The following SNX7 variants were observed in gnomAD, a reference collection of about 807,000 sequenced individuals.
SNX7 encodes the protein sorting nexin-7.
A neutral mutation model predicts 48.4 loss-of-function variants in SNX7; 35 were observed. The observed-to-expected ratio is 0.72, with a 90% confidence interval of 0.55 to 0.96. The LOEUF is 0.96. Among genes scored for constraint, SNX7 ranks in the 40% least tolerant of loss-of-function variants. SNX7 has a pLI of 0.00. For missense variants in SNX7, 553 were observed against 548.9 expected, an observed-to-expected ratio of 1.01 and a Z score of -0.07; for synonymous variants, 190 against 190.2, an observed-to-expected ratio of 1.00 and a Z score of 0.01.
At chr1:98,682,355 C>T (rs955852696) in intron 1 of SNX7, among the ~76,000 whole-genome samples, 1 of 152,120 alleles carries the variant, frequency 6.6e-6, no homozygotes, top group East Asian at 1.9e-4. Context: ...AGGGAATTCC[C>T]TTTACTTTGA....
At chr1:98,677,563 G>T in intron 1 of SNX7, among the ~76,000 whole-genome samples, 1 of 152,172 alleles carries the variant, frequency 6.6e-6, no homozygotes, top group East Asian at 1.9e-4. Flanking sequence ...GGCTAGACAA[G>T]CCATGACATG....
chr1:98,742,782 T>C (rs1451032421), intron 8 of SNX7, among the ~76,000 whole-genome samples: 1 of 151,942 alleles, frequency 6.6e-6, no homozygotes, highest in Admixed American at 6.6e-5. Flanking sequence ...ATTTTAAGAT[T>C]AAATTATTGT....
chr1:98,693,129 G>C (rs1651238151), intron 4 of SNX7, among the ~76,000 whole-genome samples: 1 of 152,068 alleles, frequency 6.6e-6, no homozygotes, highest in African/African-American at 2.4e-5. Flanking sequence ...GGCTTTTTAA[G>C]TTAGGATAAA....
At position 98,670,870 on chromosome 1, in the gene SNX7, T is replaced by TTTTATTTATTTA. The variant is rs71075409; in HGVS notation, c.180+8982_180+8993dup. Among the ~76,000 whole-genome samples the TTTTATTTATTTA allele has an allele frequency of 6.3e-3, 952 of 151,108 alleles. 7 individuals carry two copies. The highest frequency in any genetic ancestry group is 0.019 in the African/African-American group (776 of 41,008). On this transcript the variant is annotated intron_variant, in intron 1 of 8. Transcript: ENST00000306121. ...AGCTCTTTTATGTAGAGACAGTGAG[T>TTTTATTTATTTA]TTTATTTATTTATTTATTTATTTAT... is the stretch of plus-strand genomic sequence containing the variant.
chr1:98,735,110 T>C (rs989919976), intron 7 of SNX7, among the ~76,000 whole-genome samples: 2 of 152,106 alleles, frequency 1.3e-5, no homozygotes, highest in African/African-American at 4.8e-5. Flanking sequence ...AGATTAACTT[T>C]TGTTGAGTAT....
intron 8 of SNX7, among the ~76,000 whole-genome samples, chr1:98,756,347 G>A (rs752590544): frequency 2.1e-5 from 3 of 140,946 alleles, no homozygotes; most frequent in Non-Finnish European, 4.5e-5. Context: ...TGTATCATAT[G>A]TACTCATGTC....
intron 7 of SNX7, among the ~76,000 whole-genome samples, chr1:98,733,525 C>T (rs545770402): frequency 5.3e-5 from 8 of 152,270 alleles, no homozygotes; most frequent in East Asian, 1.9e-4. Flanking sequence ...TTCACCTACT[C>T]GTACTCTAGG....
At chr1:98,731,266 G>C (rs1653495770) in intron 7 of SNX7, among the ~76,000 whole-genome samples, 1 of 151,596 alleles carries the variant, frequency 6.6e-6, no homozygotes, top group Non-Finnish European at 1.5e-5. Flanking sequence ...AGCTTCAAGT[G>C]CCTCAAGGAA....
intron 7 of SNX7, among the ~76,000 whole-genome samples, chr1:98,731,378 T>TA (rs1653504396): frequency 6.6e-6 from 1 of 152,116 alleles, no homozygotes; most frequent in Admixed American, 6.6e-5. Context: ...ACTTCATAGT[T>TA]TTAGTTCATA....
chr1:98,714,694 C>G (rs1310885386), intron 7 of SNX7, among the ~76,000 whole-genome samples: 1 of 152,144 alleles, frequency 6.6e-6, no homozygotes, highest in East Asian at 1.9e-4. Context: ...AGCCATGATC[C>G]TCTGAAATGA....
intron 7 of SNX7, among the ~76,000 whole-genome samples, chr1:98,729,246 C>G (rs1195155462): frequency 6.6e-6 from 1 of 151,894 alleles, no homozygotes; most frequent in African/African-American, 2.4e-5. Context: ...AACAAAGAAA[C>G]AACGCACCAG....
At position 98,691,666 on chromosome 1, in the gene SNX7, A is replaced by G. The variant is rs754732730; in HGVS notation, c.606A>G (p.Glu202=). ...ATCATCCAACTTTAACATTTAATGA[A>G]GACTTCAAAATTTTTCTCACTGCAC... ...IADHPTLTFN[E]DFKIFLTAQA... is the part of the protein sequence containing the mutation. Residue 202 remains glutamate (E), a synonymous_variant, in exon 4 of 9, where the codon GAA becomes GAG. Transcript: ENST00000306121. 7 of 1,608,418 alleles carry G rather than the reference A, an allele frequency of 4.4e-6. No individual in the cohort carries two copies. In the East Asian group the frequency reaches 1.6e-4, roughly 36 times the overall value.
At chr1:98,670,306 T>C (rs1457927666) in intron 1 of SNX7, among the ~76,000 whole-genome samples, 1 of 152,162 alleles carries the variant, frequency 6.6e-6, no homozygotes, top group Non-Finnish European at 1.5e-5. Context: ...AAGCTATTAA[T>C]ACTATAATAG....
At chr1:98,673,220 T>C (rs1184409479) in intron 1 of SNX7, among the ~76,000 whole-genome samples, 1 of 152,234 alleles carries the variant, frequency 6.6e-6, no homozygotes, top group African/African-American at 2.4e-5. Context: ...TTGCTGGTCA[T>C]TCCTTCATCA....
chr1:98,753,700 C>G (rs1654696059), intron 8 of SNX7, among the ~76,000 whole-genome samples: 1 of 152,040 alleles, frequency 6.6e-6, no homozygotes. Flanking sequence ...TTGCAGAGAG[C>G]AAACCAGAGC....
At chr1:98,728,120 T>C (rs1653287251) in intron 7 of SNX7, among the ~76,000 whole-genome samples, 1 of 152,170 alleles carries the variant, frequency 6.6e-6, no homozygotes, top group South Asian at 2.1e-4. Flanking sequence ...GGAAAAAATG[T>C]TAAGAGCAGC....
intron 1 of SNX7, among the ~76,000 whole-genome samples, chr1:98,681,584 G>C (rs992853881): frequency 6.6e-6 from 1 of 152,166 alleles, no homozygotes; most frequent in Non-Finnish European, 1.5e-5. Context: ...ATATATTTGA[G>C]AGAAAGGAAA....
At chr1:98,737,412 TA>T (rs1028253004) in intron 7 of SNX7, among the ~76,000 whole-genome samples, 1 of 152,164 alleles carries the variant, frequency 6.6e-6, no homozygotes, top group Non-Finnish European at 1.5e-5. Flanking sequence ...CAGTACAGTA[TA>T]AGCTGTGGTA....
At chr1:98,666,193 G>A (rs771181801) in intron 1 of SNX7, among the ~76,000 whole-genome samples, 4 of 152,170 alleles carry the variant, frequency 2.6e-5, no homozygotes, top group Admixed American at 6.5e-5. Context: ...AGTTGAATGC[G>A]GGGACTATTT....
Sources: allele counts gnomAD v4.1 joint callset (sites outside exome capture counted in the v4.1 genomes callset), GRCh38; gene constraint gnomAD v4.1.1; transcripts MANE v1.5; gene names NCBI Gene and HGNC (gene_info 2026-07-23, HGNC 2026-07-21).